The following SYNM variants were observed in gnomAD, a reference collection of about 807,000 sequenced individuals.
SYNM encodes synemin, also known as desmuslin.
Under a neutral mutation model 104.0 loss-of-function variants are expected in SYNM, and 95 were observed. The ratio of observed to expected loss-of-function variants is 0.91; its 90% CI spans 0.77 to 1.08. SYNM has a LOEUF of 1.08. Ranked by LOEUF, SYNM falls within the 50% of genes least tolerant of loss-of-function variation. The pLI, the probability that SYNM is intolerant of heterozygous loss-of-function variation, is 0.00. For missense variants in SYNM, 2,150 were observed against 2,052.2 expected, an observed-to-expected ratio of 1.05 and a Z score of -0.92; for synonymous variants, 918 against 869.0, an observed-to-expected ratio of 1.06 and a Z score of -0.99.
chr15:99,110,615 T>G (rs577425126), intron 1 of SYNM, among the ~76,000 whole-genome samples: 1 of 152,352 alleles, frequency 6.6e-6, no homozygotes, highest in East Asian at 1.9e-4. Context: ...CAAATGACAG[T>G]GATATTTGTG....
Position 99,131,251 on chromosome 15 carries a change from T to C in SYNM, c.2891T>C (p.Met964Thr). The change falls in exon 4 of 4, where the codon ATG (methionine) becomes ACG (threonine). Residue 964 changes from methionine to threonine, a missense_variant. Physicochemically the swap from Met to Thr is moderately conservative, Grantham distance 81 (BLOSUM62 -1). Transcript: ENST00000336292. The surrounding 1 kb of genome is among the most constrained non-coding windows in gnomAD (Gnocchi z 4.3). ...CTGGAGGAAACCCTTCCCGAGCGCA[T>C]GAGGGAGGAGCTGTCCGCCCTCACC... is the stretch of plus-strand genomic sequence containing the variant. Reference protein sequence around the residue: ...GQLEETLPERMREELSALTRE... With the variant: ...GQLEETLPERTREELSALTRE... 6.2e-7 allele frequency: 1 copy of C among 1,610,470 alleles called. No homozygotes were observed. The highest frequency in any genetic ancestry group is 8.5e-7 in the Non-Finnish European group (1 of 1,178,728).
intron 3 of SYNM, 41 bp downstream of exon 3, chr15:99,126,833 G>GTACATCC: frequency 6.5e-7 from 1 of 1,533,176 alleles, no homozygotes; most frequent in Non-Finnish European, 8.8e-7. Context: ...TTAGGCATCT[G>GTACATCC]AACTGTTTAT....
Position 99,133,019 on chromosome 15 carries a change from A to T in SYNM, c.4659A>T (p.Leu1553=). 6.2e-7 allele frequency: 1 copy of T among 1,613,938 alleles called. No homozygotes were observed. Among genetic ancestry groups the T allele is most frequent in the South Asian group, 1.1e-5 (1 of 91,052 alleles). ...SDEKKVALLY[L]DNEEEENDGH... Reference sequence around the variant, plus strand: ...AAAAGAAAGTTGCCCTCCTCTATCTAGACAATGAGGAGGAGGAGAATGATG... The same window carrying T: ...AAAAGAAAGTTGCCCTCCTCTATCTTGACAATGAGGAGGAGGAGAATGATG... The change falls in exon 4 of 4, where the codon CTA becomes CTT. Residue 1553 remains leucine (L), a synonymous_variant. Coordinates refer to ENST00000336292, the MANE Select transcript of SYNM (RefSeq NM_145728.3).
chr15:99,114,301 T>A (rs1555483705), intron 2 of SYNM, among the ~76,000 whole-genome samples: 1 of 152,132 alleles, frequency 6.6e-6, no homozygotes, highest in Non-Finnish European at 1.5e-5. Flanking sequence ...AAACTGCCAC[T>A]TTTAAAGCAT....
intron 1 of SYNM, among the ~76,000 whole-genome samples, chr15:99,109,997 T>A (rs114222459): frequency 7.9e-5 from 12 of 152,272 alleles, no homozygotes; most frequent in African/African-American, 2.9e-4. Context: ...AAAAATAGAC[T>A]GAGTGGACTC....
chr15:99,121,345 G>A (rs1300428419), intron 2 of SYNM, among the ~76,000 whole-genome samples: 20 of 152,062 alleles, frequency 1.3e-4, no homozygotes, highest in African/African-American at 4.6e-4. Flanking sequence ...GGGTGGATGG[G>A]GTGTCTGGGT....
intron 3 of SYNM, among the ~76,000 whole-genome samples, chr15:99,128,096 C>A (rs1265124781): frequency 6.6e-6 from 1 of 152,096 alleles, no homozygotes; most frequent in Non-Finnish European, 1.5e-5. Context: ...TTTATTCTGG[C>A]AATTACATAT....
chr15:99,139,632 G>A (rs2067988489), downstream of SYNM: 1 of 1,499,522 alleles, frequency 6.7e-7, no homozygotes, highest in Non-Finnish European at 8.9e-7. Flanking sequence ...GTGACTATCT[G>A]TATGCAAAAA....
rs781821342 is a variant in SYNM at position 99,131,820 on chromosome 15, G to A, written c.3460G>A (p.Ala1154Thr). The change falls in exon 4 of 4, where the codon GCG (alanine) becomes ACG (threonine). Residue 1154 changes from alanine to threonine, a missense_variant. Coordinates refer to ENST00000336292, the MANE Select transcript of SYNM (RefSeq NM_145728.3). This position sits in a 1 kb window ranked among gnomAD's most constrained non-coding sequence, Gnocchi z 4.3. ...GPTAEVVEVS[A>T]GGDLSQAASP... ...CACTGCAGAAGTGGTGGAGGTAAGT[G>A]CGGGAGGTGACCTAAGTCAGGCAGC... 2.5e-6 allele frequency: 4 copies of A among 1,613,920 alleles called. No individual in the cohort carries two copies. The highest frequency in any genetic ancestry group is 1.7e-5 in the Admixed American group (1 of 60,032).
At chr15:99,114,722 C>G (rs1424766176) in intron 2 of SYNM, among the ~76,000 whole-genome samples, 1 of 151,866 alleles carries the variant, frequency 6.6e-6, no homozygotes, top group Non-Finnish European at 1.5e-5. Flanking sequence ...CAGTCCAGTC[C>G]CCCTGGGTGT....
In SYNM at chr15:99,105,527, G is replaced by A. The variant is rs1468539047; in HGVS notation, c.328G>A (p.Asp110Asn). 1.2e-5 allele frequency: 15 copies of A among 1,252,752 alleles called. No individual in the cohort carries two copies. In the African/African-American group the frequency reaches 2.4e-4, roughly 20 times the overall value. The allele number at this position is 1,252,752 out of a possible 1,614,324, so 77.6% of individuals were successfully genotyped here. A position where few individuals can be genotyped will look rare whatever the true frequency, so the allele number is the denominator to read the frequency against. ...GGAGCGCGCCGCCCGCGGCCGCCTG[G>A]ACGCCGAGCTGGGTGCGCAGCAGCG... is the stretch of plus-strand genomic sequence containing the variant. ...AEERAARGRLDAELGAQQREL... is the reference protein window; with the variant it reads ...AEERAARGRLNAELGAQQREL... Residue 110 changes from aspartate (D) to asparagine (N), a missense_variant, in exon 1 of 4, where the codon GAC (aspartate) becomes AAC (asparagine). Asp to Asn is a conservative substitution (Grantham distance 23). Transcript: ENST00000336292.
In SYNM at chr15:99,119,986, GCTGCCTT is replaced by G. The variant is rs1270823171; in HGVS notation, c.935+6275_935+6281del. 7.2e-5 allele frequency among the ~76,000 whole-genome samples: 11 copies of G among 152,346 alleles called. No individual in the cohort carries two copies. In the East Asian group the frequency reaches 1.3e-3, roughly 19 times the overall value. On this transcript the variant is annotated intron_variant, in intron 2 of 3. Coordinates refer to ENST00000336292, the MANE Select transcript of SYNM (RefSeq NM_145728.3). The stretch of plus-strand genomic sequence containing the variant: ...CATGAATGGGTGACAGGGAGTGACA[GCTGCCTT>G]CTGTTTAGTACCTACCATGTGCTAA...
chr15:99,132,465 AAG>A lies in SYNM; in HGVS notation c.4108_4109del (p.Ser1370HisfsTer8). 1 of 1,614,026 alleles carries A rather than the reference AAG, an allele frequency of 6.2e-7. No individual in the cohort carries two copies. Among genetic ancestry groups the A allele is most frequent in the Non-Finnish European group, 8.5e-7 (1 of 1,179,892 alleles). On this transcript the variant is annotated frameshift_variant, in exon 4 of 4. Transcript: ENST00000336292. LOFTEE classifies it high-confidence loss of function. ...GGGTAGACAAACCGTTATGACTGAA[AAG>A]AGCACCTTCCAAAGTGTCGTTTCTG... ...TSGRQTVMTE[K>X]STFQSVVSES...
chr15:99,125,921 T>A (rs1451147405), intron 2 of SYNM, among the ~76,000 whole-genome samples: 1 of 152,220 alleles, frequency 6.6e-6, no homozygotes, highest in Non-Finnish European at 1.5e-5. Flanking sequence ...ACCACTCTCC[T>A]CAGCTCTGGG....
chr15:99,119,192 C>T (rs2067377203), intron 2 of SYNM, among the ~76,000 whole-genome samples: 1 of 152,184 alleles, frequency 6.6e-6, no homozygotes, highest in Non-Finnish European at 1.5e-5. Flanking sequence ...AGGTTAGTGA[C>T]AGGTGGAACC....
rs782234470 is a variant in SYNM, at chr15:99,130,560, C to T, written c.2200C>T (p.Leu734=). The change falls in exon 4 of 4, where the codon CTG becomes TTG. Residue 734 remains leucine (L), a synonymous_variant. Transcript: ENST00000336292. ...QMIGDIINLG[L]KGREGRAKVV... ...GATAGGAGACATCATCAACCTCGGC[C>T]TGAAAGGGAGGGAGGGGAGAGCAAA... 28 of 1,613,594 alleles carry T rather than the reference C, an allele frequency of 1.7e-5. No homozygotes were observed. The South Asian group carries it at 2.7e-4, about 16-fold the overall frequency.
rs2067491203 is a variant in SYNM, at chr15:99,130,580, A to G, written c.2220A>G (p.Arg740=). ...INLGLKGREG[R]AKVVNVEIVE... ...TCGGCCTGAAAGGGAGGGAGGGGAG[A>G]GCAAAGGTCGTCAACGTGGAGATCG... The change falls in exon 4 of 4, where the codon AGA becomes AGG. Residue 740 remains arginine (R), a synonymous_variant. Transcript: ENST00000336292. 2 of 1,613,644 alleles carry G rather than the reference A, an allele frequency of 1.2e-6. No individual in the cohort carries two copies. The highest frequency in any genetic ancestry group is 1.7e-6 in the Non-Finnish European group (2 of 1,179,774).
chr15:99,132,325 A>C lies in SYNM; in HGVS notation c.3965A>C (p.Gln1322Pro). 1 of 1,613,090 alleles carries C rather than the reference A, an allele frequency of 6.2e-7. No homozygotes were observed. The highest frequency in any genetic ancestry group is 1.6e-4 in the Middle Eastern group (1 of 6,062). The change falls in exon 4 of 4, where the codon CAG becomes CCG. Residue 1322 changes from glutamine (Q) to proline (P), a missense_variant. By Grantham distance (76) the Gln-to-Pro change is moderately conservative. Transcript: ENST00000336292. ...GGGCCTCAGAGGCATCAGACCACCC[A>C]GCAGATAGTTTACCATGGGCTGGTT... ...SIGPQRHQTT[Q>P]QIVYHGLVPQ... is the part of the protein sequence containing the mutation.
rs2151810412 is a variant in SYNM at position 99,131,030 on chromosome 15, C to T, written c.2670C>T (p.Pro890=). The T allele has an allele frequency of 6.2e-7, 1 of 1,611,554 alleles. No individual in the cohort carries two copies. The highest frequency in any genetic ancestry group is 1.3e-5 in the African/African-American group (1 of 74,960). Residue 890 remains proline, a synonymous_variant, in exon 4 of 4, where the codon CCC becomes CCT. Coordinates refer to ENST00000336292, the MANE Select transcript of SYNM (RefSeq NM_145728.3). This position sits in a 1 kb window ranked among gnomAD's most constrained non-coding sequence, Gnocchi z 4.3. The part of the protein sequence containing the change: ...DGAVGEKVVK[P]LDVPAPSLEG... Reference sequence around the variant, plus strand: ...CAGTGGGCGAGAAGGTTGTGAAGCCCTTGGATGTCCCAGCGCCCTCTCTGG... The same window carrying T: ...CAGTGGGCGAGAAGGTTGTGAAGCCTTTGGATGTCCCAGCGCCCTCTCTGG...
Sources: gnomAD v4.1 joint callset for allele counts (sites outside exome capture counted in the v4.1 genomes callset) on GRCh38, gnomAD v4.1.1 for gene constraint, Gnocchi (gnomAD v3.1) non-coding constraint, MANE v1.5 for transcripts, NCBI Gene and HGNC (gene_info 2026-07-23, HGNC 2026-07-21) for gene names.